KCND2: variants seen among roughly 807,000 people sequenced by gnomAD.
KCND2 encodes A-type voltage-gated potassium channel KCND2.
In KCND2, 16 loss-of-function variants were observed where a neutral mutation model predicts 54.4. That is an observed-to-expected ratio of 0.29 (90% confidence interval 0.20 to 0.45). KCND2 has a LOEUF of 0.45. Ranked by LOEUF, KCND2 falls within the 20% of genes least tolerant of loss-of-function variation. The probability of loss-of-function intolerance (pLI) is 1.00; values close to 1 mark genes in which losing one functional copy is unlikely to be tolerated. For missense variants in KCND2, 486 were observed against 824.2 expected (o/e 0.59, Z 5.02); for synonymous variants, 317 against 310.7 (o/e 1.02, Z -0.21).
intron 1 of KCND2, among the ~76,000 whole-genome samples, chr7:120,433,645 A>G (rs890128352): frequency 9.2e-5 from 14 of 152,232 alleles, no homozygotes; most frequent in African/African-American, 3.1e-4. Flanking sequence ...CTCTGTAAGT[A>G]TTGAATAAAA....
intron 1 of KCND2, among the ~76,000 whole-genome samples, chr7:120,443,209 C>T (rs1246652967): frequency 2.0e-5 from 3 of 151,970 alleles, no homozygotes; most frequent in Admixed American, 1.3e-4. Context: ...GGCAAAGTTA[C>T]TGTGACAGAA....
rs141567043 is a variant in KCND2, at chr7:120,688,266, G to A, written c.1116-44637G>A. Reference sequence around the variant, plus strand: ...CCATATAGTAAATATTTTCACTTTTGTAAGCCACACTGTCTCTGTCAAAAC... The same window carrying A: ...CCATATAGTAAATATTTTCACTTTTATAAGCCACACTGTCTCTGTCAAAAC... On this transcript the variant is annotated intron_variant, in intron 1 of 5. Transcript: ENST00000331113. Among the ~76,000 whole-genome samples, 661 of 152,156 alleles carry A rather than the reference G, an allele frequency of 4.3e-3. 5 individuals are homozygous for A. Among genetic ancestry groups the A allele is most frequent in the African/African-American group, 0.015 (634 of 41,490 alleles).
At chr7:120,619,567 A>C (rs1233280205) in intron 1 of KCND2, among the ~76,000 whole-genome samples, 3 of 152,234 alleles carry the variant, frequency 2.0e-5, no homozygotes, top group Non-Finnish European at 2.9e-5. Flanking sequence ...CAACATTTTT[A>C]ATTCTATTTA....
At chr7:120,409,879 A>G (rs1801421826) in intron 1 of KCND2, among the ~76,000 whole-genome samples, 1 of 151,896 alleles carries the variant, frequency 6.6e-6, no homozygotes, top group East Asian at 1.9e-4. Context: ...CTAAGACAAA[A>G]TTTAAAAATT....
At chr7:120,427,112 T>C (rs1361376189) in intron 1 of KCND2, among the ~76,000 whole-genome samples, 1 of 152,238 alleles carries the variant, frequency 6.6e-6, no homozygotes, top group African/African-American at 2.4e-5. Context: ...GAGTAAATCC[T>C]CCAGTGTTTC....
intron 1 of KCND2, among the ~76,000 whole-genome samples, chr7:120,388,011 T>G (rs921807063): frequency 6.6e-6 from 1 of 152,074 alleles, no homozygotes; most frequent in Non-Finnish European, 1.5e-5. Context: ...AAACAGATTT[T>G]TGTAAATGTG....
chr7:120,325,713 A>G (rs1799964363), intron 1 of KCND2, among the ~76,000 whole-genome samples: 1 of 152,120 alleles, frequency 6.6e-6, no homozygotes, highest in Non-Finnish European at 1.5e-5. Flanking sequence ...ATAGGTGAAA[A>G]TAATAACTTG....
chr7:120,721,731 C>G (rs1792669045), intron 1 of KCND2, among the ~76,000 whole-genome samples: 1 of 152,058 alleles, frequency 6.6e-6, no homozygotes, highest in South Asian at 2.1e-4. Flanking sequence ...GGGAAGAAGT[C>G]CCTGGTTAGT....
intron 1 of KCND2, among the ~76,000 whole-genome samples, chr7:120,351,571 T>G (rs56967206): frequency 0.11 from 16,183 of 151,962 alleles, 888 homozygotes; most frequent in Admixed American, 0.13. Flanking sequence ...TGGCTCTTGT[T>G]CAGGGGTCAG....
intron 1 of KCND2, among the ~76,000 whole-genome samples, chr7:120,307,170 A>G (rs1389118229): frequency 6.6e-6 from 1 of 151,824 alleles, no homozygotes; most frequent in Admixed American, 6.6e-5. Context: ...ATTTTTTTCT[A>G]TCTAATAGAC....
chr7:120,698,328 C>T (rs1368145240), intron 1 of KCND2, among the ~76,000 whole-genome samples: 1 of 152,116 alleles, frequency 6.6e-6, no homozygotes, highest in African/African-American at 2.4e-5. Flanking sequence ...CATACTGGAG[C>T]CAGGTGGTGG....
In KCND2 at chr7:120,394,712, A is replaced by T. The variant is rs1488266703; in HGVS notation, c.1115+118965A>T. ...GTTAGCTAGCCCTACACCCAGGAAT[A>T]AGCAAGGGAGAGTAGTCAGCCTGTG... On this transcript the variant is annotated intron_variant, in intron 1 of 5. Transcript: ENST00000331113. Among the ~76,000 whole-genome samples, 2 of 151,966 alleles carry T rather than the reference A, an allele frequency of 1.3e-5. 1 individual carries two copies. The highest frequency in any genetic ancestry group is 3.9e-4 in the East Asian group (2 of 5,174).
intron 1 of KCND2, among the ~76,000 whole-genome samples, chr7:120,276,944 A>G (rs1022314751): frequency 2.0e-5 from 3 of 152,092 alleles, no homozygotes; most frequent in South Asian, 2.1e-4. Context: ...GGTAATGGCT[A>G]TAAGAAAAAA....
chr7:120,682,662 A>G (rs1792154092), intron 1 of KCND2, among the ~76,000 whole-genome samples: 1 of 152,148 alleles, frequency 6.6e-6, no homozygotes. Flanking sequence ...TACTTCAGAA[A>G]TGAAGCAATG....
In KCND2 at chr7:120,557,914, A is replaced by G. The variant is rs139657503; in HGVS notation, c.1116-174989A>G. ...GCAACTGAAAAAGAATAATTCTTAC[A>G]TAGTGGTTCCTAAATACCAAATTCC... On this transcript the variant is annotated intron_variant, in intron 1 of 5. Coordinates refer to ENST00000331113, the MANE Select transcript of KCND2 (RefSeq NM_012281.3). 2.0e-3 allele frequency among the ~76,000 whole-genome samples: 300 copies of G among 152,266 alleles called. 1 individual carries two copies. The highest frequency in any genetic ancestry group is 7.7e-3 in the South Asian group (37 of 4,828).
At chr7:120,733,549 G>A (rs1236535407) in intron 2 of KCND2, among the ~76,000 whole-genome samples, 4 of 152,068 alleles carry the variant, frequency 2.6e-5, no homozygotes, top group Non-Finnish European at 5.9e-5. Context: ...ATCAGAAACA[G>A]ATTCTTGGCA....
chr7:120,746,129 C>T (rs1793003157), intron 5 of KCND2, 102 bp downstream of exon 5: 2 of 1,378,842 alleles, frequency 1.5e-6, no homozygotes, highest in Admixed American at 1.8e-5. Context: ...ATCCCTAGCT[C>T]CTATGGTTCA....
At chr7:120,710,951 C>T (rs567372760) in intron 1 of KCND2, among the ~76,000 whole-genome samples, 47 of 152,144 alleles carry the variant, frequency 3.1e-4, no homozygotes, top group African/African-American at 1.1e-3. Context: ...CCAGTATATT[C>T]GTATGCCCTT....
chr7:120,651,655 T>C (rs1374570259), intron 1 of KCND2, among the ~76,000 whole-genome samples: 1 of 152,208 alleles, frequency 6.6e-6, no homozygotes, highest in Non-Finnish European at 1.5e-5. Flanking sequence ...CCCAGTGAGA[T>C]GAACCTGGTA....
Sources: gnomAD v4.1 joint callset for allele counts (sites outside exome capture counted in the v4.1 genomes callset) on GRCh38, gnomAD v4.1.1 for gene constraint, MANE v1.5 for transcripts, NCBI Gene and HGNC (gene_info 2026-07-23, HGNC 2026-07-21) for gene names.